The following MGMT variants were observed in gnomAD, a reference collection of about 807,000 sequenced individuals.
MGMT encodes the protein O-6-methylguanine-DNA methyltransferase.
In MGMT, 14 loss-of-function variants were observed where a neutral mutation model predicts 15.9. That is an observed-to-expected ratio of 0.88 (90% CI 0.58 to 1.37). The LOEUF is 1.37. Among genes scored for constraint, MGMT ranks in the 40% most tolerant of loss-of-function variants. The pLI is 0.00. For synonymous variants in MGMT, 130 were observed against 118.2 expected (o/e 1.10, Z -0.65); for missense variants, 282 against 268.1 (o/e 1.05, Z -0.36).
At chr10:129,685,909 G>A (rs961561926) in intron 2 of MGMT, among the ~76,000 whole-genome samples, 5 of 152,178 alleles carry the variant, frequency 3.3e-5, no homozygotes, top group African/African-American at 4.8e-5. Context: ...ATGTGCAACT[G>A]TATTTAATTA....
At chr10:129,715,525 A>T (rs1482306632) in intron 3 of MGMT, 2 of 152,240 alleles carry the variant, frequency 1.3e-5, no homozygotes, top group African/African-American at 4.8e-5. Flanking sequence ...TGTAGTCATT[A>T]GCTGGACATG....
At chr10:129,672,763 A>T (rs902700674) in intron 2 of MGMT, among the ~76,000 whole-genome samples, 7 of 152,184 alleles carry the variant, frequency 4.6e-5, no homozygotes, top group African/African-American at 1.7e-4. Flanking sequence ...GTTATTTTAC[A>T]TTCCAACACC....
In MGMT at chr10:129,549,969, G is replaced by A. The variant is rs73386913; in HGVS notation, c.125+13592G>A. Among the ~76,000 whole-genome samples the A allele has an allele frequency of 5.4e-3, 820 of 152,128 alleles. 6 individuals carry two copies. Among genetic ancestry groups the A allele is most frequent in the African/African-American group, 0.019 (773 of 41,522 alleles). The stretch of plus-strand genomic sequence containing the variant: ...TCCTCTGGATGATAAGTAGGGCCAG[G>A]GCTTCTGTTTATTTCGGTGGTTGGT... On this transcript the variant is annotated intron_variant, in intron 2 of 4. Transcript: ENST00000651593.
At chr10:129,726,510 G>A (rs1284135629) in intron 3 of MGMT, among the ~76,000 whole-genome samples, 2 of 152,174 alleles carry the variant, frequency 1.3e-5, no homozygotes, top group Non-Finnish European at 2.9e-5. Context: ...TCAGTGTTTT[G>A]TCTGATTCTT....
At position 129,611,741 on chromosome 10, in the gene MGMT, TG is replaced by T. The variant is rs1169281174; in HGVS notation, c.125+75371del. Among the ~76,000 whole-genome samples, 4 of 152,180 alleles carry T rather than the reference TG, an allele frequency of 2.6e-5. No individual in the cohort carries two copies. In the South Asian group the frequency reaches 6.2e-4, roughly 24 times the overall value. On this transcript the variant is annotated intron_variant, in intron 2 of 4. Coordinates refer to ENST00000651593, the MANE Select transcript of MGMT (RefSeq NM_002412.5). Reference sequence around the variant, plus strand: ...TAAGTCTTGGCTCCCGGGTGCGCTCTGGGGGGGCCATAACCTTGGATGAGAT... The same window carrying T: ...TAAGTCTTGGCTCCCGGGTGCGCTCTGGGGGGCCATAACCTTGGATGAGAT...
rs956073918 is a variant in MGMT, at chr10:129,474,596, G to A, written c.-13+7300G>A. Among the ~76,000 whole-genome samples, 4 of 152,302 alleles carry A rather than the reference G, an allele frequency of 2.6e-5. No individual in the cohort carries two copies. The South Asian group carries it at 6.2e-4, about 24-fold the overall frequency. On this transcript the variant is annotated intron_variant, in intron 1 of 4. Coordinates refer to ENST00000651593, the MANE Select transcript of MGMT (RefSeq NM_002412.5). ...GGCGGGAGATTTCCCGACTGCAGCC[G>A]CGTTCAGGCGAGGATGGCAGCGGTG...
At chr10:129,757,047 G>A (rs183963538) in intron 3 of MGMT, among the ~76,000 whole-genome samples, 3 of 152,298 alleles carry the variant, frequency 2.0e-5, no homozygotes, top group Admixed American at 6.5e-5. Context: ...GCATTCGTTC[G>A]CTGCAGGGTG....
intron 2 of MGMT, among the ~76,000 whole-genome samples, chr10:129,656,221 G>A (rs1356390266): frequency 2.0e-5 from 3 of 152,222 alleles, no homozygotes; most frequent in Non-Finnish European, 4.4e-5. Context: ...AGTGGAGTCT[G>A]GACTGCAGTC....
intron 2 of MGMT, among the ~76,000 whole-genome samples, chr10:129,622,182 G>A (rs1847098279): frequency 6.6e-6 from 1 of 152,176 alleles, no homozygotes; most frequent in African/African-American, 2.4e-5. Context: ...TGATCTCAAG[G>A]ATAAGATGCT....
At chr10:129,682,386 A>G (rs1347091111) in intron 2 of MGMT, among the ~76,000 whole-genome samples, 1 of 151,984 alleles carries the variant, frequency 6.6e-6, no homozygotes, top group Non-Finnish European at 1.5e-5. Flanking sequence ...GGAGTAAAGG[A>G]AGCTAATCCT....
chr10:129,682,631 A>G (rs972858893), intron 2 of MGMT, among the ~76,000 whole-genome samples: 1 of 152,194 alleles, frequency 6.6e-6, no homozygotes, highest in Non-Finnish European at 1.5e-5. Context: ...ATAAAAATAC[A>G]TAAGAATTTA....
chr10:129,639,776 AAAGT>A (rs1226361144), intron 2 of MGMT, among the ~76,000 whole-genome samples: 5 of 152,176 alleles, frequency 3.3e-5, no homozygotes, highest in Non-Finnish European at 7.3e-5. Context: ...AGAAAACAGA[AAAGT>A]AAGAGCAAGT....
chr10:129,487,973 G>C (rs1285863623), intron 1 of MGMT, among the ~76,000 whole-genome samples: 1 of 39,500 alleles, frequency 2.5e-5, no homozygotes, highest in Non-Finnish European at 5.2e-5. Flanking sequence ...AGGTGTATAC[G>C]CAGGTATACA....
intron 2 of MGMT, among the ~76,000 whole-genome samples, chr10:129,550,051 C>T (rs79021017): frequency 0.033 from 5,002 of 152,214 alleles, 132 homozygotes; most frequent in South Asian, 0.064. Flanking sequence ...GAAATCCCTT[C>T]TGCCTGTATA....
chr10:129,638,330 CA>C (rs1454489396), intron 2 of MGMT, among the ~76,000 whole-genome samples: 2 of 147,510 alleles, frequency 1.4e-5, no homozygotes, highest in African/African-American at 5.0e-5. Flanking sequence ...ACATTCCCTC[CA>C]GGAAGAAGTA....
At chr10:129,508,108 T>C (rs1210404071) in intron 1 of MGMT, among the ~76,000 whole-genome samples, 1 of 152,206 alleles carries the variant, frequency 6.6e-6, no homozygotes, top group African/African-American at 2.4e-5. Flanking sequence ...GGACCTCTGG[T>C]ACAGCCCAGT....
chr10:129,475,053 C>T (rs1845275545), intron 1 of MGMT, among the ~76,000 whole-genome samples: 1 of 152,030 alleles, frequency 6.6e-6, no homozygotes, highest in Non-Finnish European at 1.5e-5. Context: ...TGAAGAAGTC[C>T]CCTCTGAGGA....
chr10:129,725,629 G>A (rs1399347909), intron 3 of MGMT, among the ~76,000 whole-genome samples: 3 of 152,234 alleles, frequency 2.0e-5, no homozygotes, highest in African/African-American at 7.2e-5. Flanking sequence ...GTGCCGCCCA[G>A]GGCTGGGGTC....
At chr10:129,524,943 T>C (rs1014521760) in intron 1 of MGMT, among the ~76,000 whole-genome samples, 12 of 152,280 alleles carry the variant, frequency 7.9e-5, no homozygotes, top group African/African-American at 2.9e-4. Flanking sequence ...CACAAACCAA[T>C]TGTCAGTTAG....
Sources: allele counts gnomAD v4.1 joint callset (sites outside exome capture counted in the v4.1 genomes callset), GRCh38; gene constraint gnomAD v4.1.1; transcripts MANE v1.5; gene names NCBI Gene and HGNC (gene_info 2026-07-23, HGNC 2026-07-21).